ARHGEF3: variants seen among roughly 807,000 people sequenced by gnomAD.
ARHGEF3 encodes 59.8 kDA protein.
In ARHGEF3, 28 loss-of-function variants were observed where a neutral mutation model predicts 63.2. The observed-to-expected ratio is 0.44, with a 90% CI of 0.33 to 0.61. The LOEUF (loss-of-function observed/expected upper bound fraction) is 0.61, where lower values mean the gene tolerates loss of function less well. ARHGEF3 is among the 20% of genes least tolerant of loss of function. The pLI, the probability that ARHGEF3 is intolerant of heterozygous loss-of-function variation, is 0.03. For synonymous variants in ARHGEF3, 266 were observed against 254.2 expected (o/e 1.05, Z -0.44); for missense variants, 533 against 659.3 (o/e 0.81, Z 2.10).
rs76434123 is a variant in ARHGEF3, at chr3:56,982,254, T to TA, written c.63-23366dup. Among the ~76,000 whole-genome samples, 352 of 141,678 alleles carry TA rather than the reference T, an allele frequency of 2.5e-3. 1 individual carries two copies. The highest frequency in any genetic ancestry group is 6.1e-3 in the South Asian group (27 of 4,412). The allele number at this position is 141,678 out of a possible 152,430, so 92.9% of individuals were successfully genotyped here. On this transcript the variant is annotated intron_variant, in intron 2 of 12. Transcript: ENST00000338458. ...CCAGTGATAAAAAGTGAGCTCTCTTTAAAAAAAAAAAAAAAGTAAGCAAGC... is the reference window on the plus strand; with the variant it reads ...CCAGTGATAAAAAGTGAGCTCTCTTTAAAAAAAAAAAAAAAAGTAAGCAAGC...
chr3:56,892,216 A>G (rs1224983098), intron 3 of ARHGEF3, among the ~76,000 whole-genome samples: 1 of 152,142 alleles, frequency 6.6e-6, no homozygotes, highest in Non-Finnish European at 1.5e-5. Context: ...TCTATCCAGG[A>G]TAGAGGGCTG....
intron 3 of ARHGEF3, chr3:56,898,619 T>A: frequency 3.5e-6 from 1 of 283,368 alleles, no homozygotes; most frequent in Non-Finnish European, 7.8e-6. Context: ...TGTTTTCTTC[T>A]GGGGTGATCC....
intron 2 of ARHGEF3, among the ~76,000 whole-genome samples, chr3:56,761,800 G>A (rs1413037582): frequency 1.3e-5 from 2 of 152,054 alleles, no homozygotes; most frequent in African/African-American, 4.8e-5. Flanking sequence ...CGGTGGTAAG[G>A]TGACTGTCAG....
intron 2 of ARHGEF3, chr3:56,977,506 C>T: frequency 2.9e-6 from 1 of 349,560 alleles, no homozygotes; most frequent in Non-Finnish European, 5.6e-6. Flanking sequence ...CTTGGAGAGA[C>T]ATGTCCTTTT....
chr3:57,070,503 G>C (rs771440857), intron 1 of ARHGEF3, among the ~76,000 whole-genome samples: 8 of 152,180 alleles, frequency 5.3e-5, no homozygotes, highest in Non-Finnish European at 1.0e-4. Flanking sequence ...CAGCAAAAAG[G>C]AATTTAGGTT....
intron 2 of ARHGEF3, among the ~76,000 whole-genome samples, chr3:57,013,053 G>A (rs150838452): frequency 0.017 from 2,604 of 152,268 alleles, 74 homozygotes; most frequent in African/African-American, 0.06. Flanking sequence ...ACTGCCGGCC[G>A]GCCTGCCTGC....
chr3:56,973,943 A>C (rs1336311632), intron 2 of ARHGEF3, among the ~76,000 whole-genome samples: 1 of 152,166 alleles, frequency 6.6e-6, no homozygotes, highest in African/African-American at 2.4e-5. Context: ...AAAATTAGAC[A>C]GTTGTGGTGG....
chr3:56,730,625 C>T (rs184385596), intron 9 of ARHGEF3, among the ~76,000 whole-genome samples: 11 of 152,270 alleles, frequency 7.2e-5, no homozygotes, highest in Admixed American at 2.0e-4. Context: ...AGGTGATCCA[C>T]CCACCTCAGC....
chr3:56,908,307 ACT>A (rs1287591483), intron 3 of ARHGEF3, among the ~76,000 whole-genome samples: 1 of 152,124 alleles, frequency 6.6e-6, no homozygotes, highest in Non-Finnish European at 1.5e-5. Context: ...GATTTCCAGG[ACT>A]CTGCAGGAAC....
At chr3:57,005,092 T>C (rs1702418210) in intron 2 of ARHGEF3, among the ~76,000 whole-genome samples, 1 of 152,136 alleles carries the variant, frequency 6.6e-6, no homozygotes, top group Non-Finnish European at 1.5e-5. Context: ...CTTGCTAAAA[T>C]GTAGACTATA....
At chr3:56,874,591 T>G (rs1362540984) in intron 4 of ARHGEF3, among the ~76,000 whole-genome samples, 1 of 152,214 alleles carries the variant, frequency 6.6e-6, no homozygotes, top group African/African-American at 2.4e-5. Context: ...CTCTTCTATA[T>G]CAATGCTTGT....
chr3:57,037,883 A>C (rs531344520), intron 1 of ARHGEF3, among the ~76,000 whole-genome samples: 166 of 148,572 alleles, frequency 1.1e-3, no homozygotes, highest in African/African-American at 4.0e-3. Flanking sequence ...TCAAAAAACA[A>C]AACAAAACAA....
At chr3:57,015,910 G>A (rs1702976806) in intron 2 of ARHGEF3, among the ~76,000 whole-genome samples, 1 of 152,050 alleles carries the variant, frequency 6.6e-6, no homozygotes, top group Non-Finnish European at 1.5e-5. Context: ...TTCCCAAGCA[G>A]CACTGGCAAT....
intron 3 of ARHGEF3, among the ~76,000 whole-genome samples, chr3:56,943,153 C>A (rs1343358951): frequency 2.0e-5 from 3 of 149,626 alleles, no homozygotes; most frequent in Non-Finnish European, 4.5e-5. Context: ...AAAGCCTTAT[C>A]TTGGAAGAAG....
intron 3 of ARHGEF3, among the ~76,000 whole-genome samples, chr3:56,955,979 G>A (rs1433862745): frequency 6.6e-6 from 1 of 152,222 alleles, no homozygotes; most frequent in Non-Finnish European, 1.5e-5. Context: ...TCTCCCTCTG[G>A]TATATCTTGA....
chr3:56,745,900 T>C (rs2034355198), intron 6 of ARHGEF3, among the ~76,000 whole-genome samples: 1 of 152,216 alleles, frequency 6.6e-6, no homozygotes, highest in African/African-American at 2.4e-5. Flanking sequence ...CTCCATCTCC[T>C]GACCTCGTGA....
At position 56,728,235 on chromosome 3, in the gene ARHGEF3, A is replaced by AG. The variant is rs1298290787; in HGVS notation, c.*1034dup. On this transcript the variant is annotated 3_prime_UTR_variant, in exon 10 of 10. Transcript: ENST00000296315. ...TGGCAAATTGACGACCCAAAAGCAGAGCAGGAAAGCCCAAAGCTCTGGCCT... is the reference window on the plus strand; with the variant it reads ...TGGCAAATTGACGACCCAAAAGCAGAGGCAGGAAAGCCCAAAGCTCTGGCCT... 1 of 152,658 alleles carries AG rather than the reference A, an allele frequency of 6.6e-6. No individual in the cohort carries two copies. The highest frequency in any genetic ancestry group is 1.5e-5 in the Non-Finnish European group (1 of 68,042). The allele number at this position is 152,658 out of a possible 1,614,324, so 9.5% of individuals were successfully genotyped here. A position where few individuals can be genotyped will look rare whatever the true frequency, so the allele number is the denominator to read the frequency against.
chr3:56,799,394 G>A (rs986349152), intron 1 of ARHGEF3, among the ~76,000 whole-genome samples: 1 of 152,168 alleles, frequency 6.6e-6, no homozygotes, highest in African/African-American at 2.4e-5. Context: ...GTGCTCTGTT[G>A]CAACGGCCTT....
intron 4 of ARHGEF3, among the ~76,000 whole-genome samples, chr3:56,811,626 G>A (rs2038067233): frequency 6.6e-6 from 1 of 152,188 alleles, no homozygotes; most frequent in African/African-American, 2.4e-5. Context: ...GCTGAATTAA[G>A]ACAGTTTCTG....
Sources: allele counts gnomAD v4.1 joint callset (sites outside exome capture counted in the v4.1 genomes callset), GRCh38; gene constraint gnomAD v4.1.1; transcripts MANE v1.5; gene names NCBI Gene and HGNC (gene_info 2026-07-23, HGNC 2026-07-21).